Variants in MAP1LC3B observed in about 807,000 individuals in gnomAD.
The protein encoded by MAP1LC3B is microtubule-associated protein 1 light chain 3 beta.
MAP1LC3B carries 12 observed loss-of-function variants against 16.7 expected under a neutral mutation model. The observed-to-expected ratio is 0.72, with a 90% CI of 0.46 to 1.16. The LOEUF is 1.16. Ranked by LOEUF, MAP1LC3B falls within the 50% of genes most tolerant of loss-of-function variation. The pLI, the probability that MAP1LC3B is intolerant of heterozygous loss-of-function variation, is 0.00. For missense variants in MAP1LC3B, 155 were observed against 159.5 expected (o/e 0.97, Z 0.15); for synonymous variants, 63 against 56.5 (o/e 1.11, Z -0.51).
intron 1 of MAP1LC3B, among the ~76,000 whole-genome samples, chr16:87,398,317 C>T (rs980701987): frequency 6.6e-6 from 1 of 152,186 alleles, no homozygotes; most frequent in Admixed American, 6.5e-5. Context: ...CATCATATTC[C>T]ATTCTCTTGA....
At chr16:87,398,025 A>C (rs1567499895) in intron 1 of MAP1LC3B, among the ~76,000 whole-genome samples, 1 of 143,790 alleles carries the variant, frequency 7.0e-6, no homozygotes, top group East Asian at 2.0e-4. Flanking sequence ...GGAGAAAAGA[A>C]TTTTTTTTTT....
intron 1 of MAP1LC3B, chr16:87,392,951 G>C (rs1897945148): frequency 6.6e-6 from 1 of 152,306 alleles, no homozygotes; most frequent in Non-Finnish European, 1.5e-5. Flanking sequence ...CTTCAGGGCT[G>C]GTTTTCCCGT....
intron 1 of MAP1LC3B, among the ~76,000 whole-genome samples, chr16:87,394,084 G>A (rs950932950): frequency 6.6e-6 from 1 of 152,146 alleles, no homozygotes; most frequent in African/African-American, 2.4e-5. Flanking sequence ...GGCCCTGAGG[G>A]TAGACCAGCA....
intron 2 of MAP1LC3B, among the ~76,000 whole-genome samples, chr16:87,401,018 A>C (rs906594552): frequency 1.3e-5 from 2 of 151,194 alleles, no homozygotes; most frequent in Non-Finnish European, 1.5e-5. Flanking sequence ...CTGTAATCCC[A>C]GCTACTCAGG....
rs1392302795 is a variant in MAP1LC3B, at chr16:87,404,572, G to C, written c.*1475G>C. ...TGTATATTCTTAACTGGACTGTCTCGTTTAGACTGTATACATCATATCTGA... is the reference window on the plus strand; with the variant it reads ...TGTATATTCTTAACTGGACTGTCTCCTTTAGACTGTATACATCATATCTGA... On this transcript the variant is annotated 3_prime_UTR_variant, in exon 4 of 4. Coordinates refer to ENST00000268607, the MANE Select transcript of MAP1LC3B (RefSeq NM_022818.5). The C allele has an allele frequency of 6.6e-6, 1 of 151,802 alleles. No homozygotes were observed. 9.4% of individuals were successfully genotyped at this position (151,802 alleles called of 1,614,324 possible).
At chr16:87,392,629 C>T (rs1907628544) in intron 1 of MAP1LC3B, 162 bp downstream of exon 1, 1 of 548,414 alleles carries the variant, frequency 1.8e-6, no homozygotes, top group Non-Finnish European at 2.5e-6. Context: ...GCCCGGGGCC[C>T]CGTGAGGGAC....
intron 1 of MAP1LC3B, among the ~76,000 whole-genome samples, chr16:87,396,423 A>G (rs908412804): frequency 6.6e-6 from 1 of 151,552 alleles, no homozygotes; most frequent in South Asian, 2.1e-4. Flanking sequence ...TGCAGTGAGC[A>G]GAGATCGCGC....
rs1321612439 is a variant in MAP1LC3B at position 87,401,128 on chromosome 16, G to T, written c.97-1047G>T. On this transcript the variant is annotated intron_variant, in intron 2 of 3. Coordinates refer to ENST00000268607, the MANE Select transcript of MAP1LC3B (RefSeq NM_022818.5). ...AGCCTGGGCGACAGAGCAAGACTCT[G>T]TCTCAAAAAAAAAAAAAAAAAAAAA... is the stretch of plus-strand genomic sequence containing the variant. 2.3e-3 allele frequency among the ~76,000 whole-genome samples: 143 copies of T among 62,794 alleles called. 1 individual carries two copies. Among genetic ancestry groups the T allele is most frequent in the African/African-American group, 6.3e-3 (139 of 22,156 alleles). The allele number at this position is 62,794 out of a possible 152,430, so 41.2% of individuals were successfully genotyped here. A position where few individuals can be genotyped will look rare whatever the true frequency, so the allele number is the denominator to read the frequency against.
intron 1 of MAP1LC3B, among the ~76,000 whole-genome samples, chr16:87,397,487 G>C (rs923370596): frequency 2.0e-5 from 3 of 152,058 alleles, no homozygotes; most frequent in Admixed American, 2.0e-4. Flanking sequence ...GCATGGTGTC[G>C]GGTGCCTGTA....
At chr16:87,401,151 AAAAAAC>A in intron 2 of MAP1LC3B, among the ~76,000 whole-genome samples, 1 of 151,752 alleles carries the variant, frequency 6.6e-6, no homozygotes, top group Non-Finnish European at 1.5e-5. Flanking sequence ...AAAAAAAAAA[AAAAAAC>A]TTCAGCCATG....
chr16:87,399,803 T>C, intron 2 of MAP1LC3B: 1 of 300,506 alleles, frequency 3.3e-6, no homozygotes, highest in Non-Finnish European at 6.6e-6. Flanking sequence ...AGACGGAGTC[T>C]TGCTGTGTCG....
In MAP1LC3B at chr16:87,402,223, A is replaced by G; in HGVS notation, c.145A>G (p.Lys49Glu). 2 of 1,614,206 alleles carry G rather than the reference A, an allele frequency of 1.2e-6. No individual in the cohort carries two copies. The highest frequency in any genetic ancestry group is 1.7e-6 in the Non-Finnish European group (2 of 1,180,016). Residue 49 changes from lysine (K) to glutamate (E), a missense_variant, in exon 3 of 4, where the codon AAA becomes GAA. Lys to Glu is a moderately conservative substitution (Grantham distance 56). Coordinates refer to ENST00000268607, the MANE Select transcript of MAP1LC3B (RefSeq NM_022818.5). ...KGEKQLPVLDKTKFLVPDHVN... is the reference protein window; with the variant it reads ...KGEKQLPVLDETKFLVPDHVN... ...TGAGAAGCAGCTTCCTGTTCTGGAT[A>G]AAACAAAGTTCCTTGTACCTGACCA...
At chr16:87,397,209 G>C (rs990470159) in intron 1 of MAP1LC3B, among the ~76,000 whole-genome samples, 3 of 152,212 alleles carry the variant, frequency 2.0e-5, no homozygotes, top group Admixed American at 6.5e-5. Flanking sequence ...TTGCAAAGAT[G>C]TTTATATTTA....
intron 2 of MAP1LC3B, 83 bp from the exon 3 acceptor site, chr16:87,402,092 C>T: frequency 7.1e-7 from 1 of 1,405,544 alleles, no homozygotes. Context: ...GCCTCGGCCT[C>T]CCAAAATGCT....
chr16:87,396,051 G>A (rs1212776576), intron 1 of MAP1LC3B, among the ~76,000 whole-genome samples: 2 of 151,304 alleles, frequency 1.3e-5, no homozygotes, highest in African/African-American at 4.8e-5. Context: ...AGTAAAGACA[G>A]GGTTTCACCG....
At chr16:87,395,385 G>A (rs1851151769) in intron 1 of MAP1LC3B, among the ~76,000 whole-genome samples, 1 of 152,220 alleles carries the variant, frequency 6.6e-6, no homozygotes. Context: ...AGATTGGACT[G>A]GAGCTGGGTC....
intron 2 of MAP1LC3B, 132 bp downstream of exon 2, chr16:87,399,002 G>A (rs1368721529): frequency 1.4e-6 from 1 of 740,302 alleles, no homozygotes; most frequent in African/African-American, 1.7e-5. Context: ...TCACAACCTA[G>A]AGAGAGGTAT....
Position 87,395,488 on chromosome 16 carries a change from T to C in MAP1LC3B, c.40+3021T>C, listed in dbSNP as rs114319379. Among the ~76,000 whole-genome samples, 698 of 152,334 alleles carry C rather than the reference T, an allele frequency of 4.6e-3. 5 individuals are homozygous for C. Among genetic ancestry groups the C allele is most frequent in the African/African-American group, 0.016 (654 of 41,570 alleles). On this transcript the variant is annotated intron_variant, in intron 1 of 3. Coordinates refer to ENST00000268607, the MANE Select transcript of MAP1LC3B (RefSeq NM_022818.5). ...GAGTAAAAGACTTGCCCTCCTTCTA[T>C]GCCATTGACTGTGCTGTTGATAATG...
chr16:87,395,184 T>A (rs1907756007), intron 1 of MAP1LC3B, among the ~76,000 whole-genome samples: 1 of 152,240 alleles, frequency 6.6e-6, no homozygotes, highest in African/African-American at 2.4e-5. Context: ...TAGGACACCT[T>A]AGGCTCCTAC....
Sources: gnomAD v4.1 joint callset for allele counts (sites outside exome capture counted in the v4.1 genomes callset) on GRCh38, gnomAD v4.1.1 for gene constraint, MANE v1.5 for transcripts, NCBI Gene and HGNC (gene_info 2026-07-23, HGNC 2026-07-21) for gene names.